Variants in TPCN1 observed in about 807,000 individuals in gnomAD.
TPCN1 encodes the protein two pore channel protein 1.
Under a neutral mutation model 108.8 loss-of-function variants are expected in TPCN1, and 52 were observed. That is an observed-to-expected ratio of 0.48 (90% CI 0.38 to 0.60). TPCN1 has a LOEUF of 0.60. TPCN1 is among the 20% of genes least tolerant of loss of function. The pLI is 0.00. For missense variants in TPCN1, 806 were observed against 1,072.8 expected (o/e 0.75, Z 3.47); for synonymous variants, 446 against 433.7 (o/e 1.03, Z -0.35).
At position 113,226,942 on chromosome 12, in the gene TPCN1, C is replaced by T. The variant is rs1370265704; in HGVS notation, c.90C>T (p.Gly30=). 1 of 1,613,638 alleles carries T rather than the reference C, an allele frequency of 6.2e-7. No homozygotes were observed. The highest frequency in any genetic ancestry group is 8.5e-7 in the Non-Finnish European group (1 of 1,179,876). Residue 30 remains glycine (G), a synonymous_variant, in exon 2 of 28, where the codon GGC becomes GGT. Transcript: ENST00000335509. ...SAPLAPSNGL[G]QEELPSKNGG... is the part of the protein sequence containing the mutation. Reference sequence around the variant, plus strand: ...CACTGGCTCCCTCCAACGGCCTGGGCCAAGAAGAGCTACCTAGCAAAAGTA... The same window carrying T: ...CACTGGCTCCCTCCAACGGCCTGGGTCAAGAAGAGCTACCTAGCAAAAGTA...
At position 113,234,564 on chromosome 12, in the gene TPCN1, C is replaced by T. The variant is rs114212652; in HGVS notation, c.112+7600C>T. ...TTGGTGCTTGTGTTGCCTTTTGTACCGGGTACCCTTTACGCCTTGTTTGCT... is the reference window on the plus strand; with the variant it reads ...TTGGTGCTTGTGTTGCCTTTTGTACTGGGTACCCTTTACGCCTTGTTTGCT... On this transcript the variant is annotated intron_variant, in intron 2 of 27. Coordinates refer to ENST00000335509, the MANE Select transcript of TPCN1 (RefSeq NM_017901.6). 5.2e-3 allele frequency among the ~76,000 whole-genome samples: 795 copies of T among 152,296 alleles called. 11 individuals carry two copies. Among genetic ancestry groups the T allele is most frequent in the African/African-American group, 0.018 (752 of 41,560 alleles).
In TPCN1 at chr12:113,285,977, GT is replaced by G. The variant is rs1177986591; in HGVS notation, c.1526+19del. ...GATGGAACTTGTGAGTGGACAGCAT[GT>G]TTCTGACCCAAAGCTGAGACTCTTG... On this transcript the variant is annotated intron_variant, in intron 18 of 27. Coordinates refer to ENST00000335509, the MANE Select transcript of TPCN1 (RefSeq NM_017901.6). 2 of 1,610,860 alleles carry G rather than the reference GT, an allele frequency of 1.2e-6. No homozygotes were observed. The highest frequency in any genetic ancestry group is 1.3e-5 in the African/African-American group (1 of 74,852).
chr12:113,287,762 C>T (rs758119200), intron 19 of TPCN1, among the ~76,000 whole-genome samples: 9 of 152,118 alleles, frequency 5.9e-5, no homozygotes, highest in East Asian at 1.9e-4. Context: ...CCTGAGTGTC[C>T]GCCTCCGTCC....
intron 18 of TPCN1, 48 bp downstream of exon 18, chr12:113,286,009 G>A: frequency 6.6e-7 from 1 of 1,524,562 alleles, no homozygotes; most frequent in Non-Finnish European, 9.1e-7. Flanking sequence ...TCTTGAGGAT[G>A]GCCCCAGACC....
chr12:113,230,369 A>G (rs1349181962), intron 2 of TPCN1, among the ~76,000 whole-genome samples: 1 of 146,286 alleles, frequency 6.8e-6, no homozygotes, highest in Non-Finnish European at 1.5e-5. Flanking sequence ...GTTCACTGCA[A>G]CCTCCACCTC....
chr12:113,284,845 C>T lies in TPCN1; in HGVS notation c.1453+74C>T, dbSNP rs1956013359. The T allele has an allele frequency of 6.7e-7, 1 of 1,485,748 alleles. No individual in the cohort carries two copies. Among genetic ancestry groups the T allele is most frequent in the African/African-American group, 1.4e-5 (1 of 72,012 alleles). The allele number at this position is 1,485,748 out of a possible 1,614,324, so 92.0% of individuals were successfully genotyped here. On this transcript the variant is annotated intron_variant, in intron 17 of 27. Transcript: ENST00000335509. The surrounding 1 kb of genome is among the most constrained non-coding windows in gnomAD (Gnocchi z 4.1). Reference sequence around the variant, plus strand: ...GGGAGAACTTTCATTCAGTGTAGAACCTCATGGTTCTTCTCTAAAACAGGA... The same window carrying T: ...GGGAGAACTTTCATTCAGTGTAGAATCTCATGGTTCTTCTCTAAAACAGGA...
rs772890901 is a variant in TPCN1 at position 113,288,848 on chromosome 12, G to A, written c.1796+1G>A. 1 of 1,613,514 alleles carries A rather than the reference G, an allele frequency of 6.2e-7. No individual in the cohort carries two copies. On this transcript the variant is annotated splice_donor_variant, in intron 21 of 27. Transcript: ENST00000335509. LOFTEE classifies it high-confidence loss of function. The surrounding 1 kb of genome is among the most constrained non-coding windows in gnomAD (Gnocchi z 4.8). Reference sequence around the variant, plus strand: ...GGATCGTCTTCCCCAACTGCTGCAAGTGAGTAGGCCCCACCCAGCCCCAGG... The same window carrying A: ...GGATCGTCTTCCCCAACTGCTGCAAATGAGTAGGCCCCACCCAGCCCCAGG...
In TPCN1 at chr12:113,288,568, G is replaced by C. The variant is rs1032408617; in HGVS notation, c.1707-190G>C. 1 of 1,469,058 alleles carries C rather than the reference G, an allele frequency of 6.8e-7. No homozygotes were observed. The highest frequency in any genetic ancestry group is 1.4e-5 in the African/African-American group (1 of 71,176). 91.0% of individuals were successfully genotyped at this position (1,469,058 alleles called of 1,614,324 possible). A position where few individuals can be genotyped will look rare whatever the true frequency, so the allele number is the denominator to read the frequency against. ...TGGGAAAGGGGCATTTGTTCATAGC[G>C]TCCTGACTTGAGCTGTTTTTCACCC... is the stretch of plus-strand genomic sequence containing the variant. On this transcript the variant is annotated intron_variant, in intron 20 of 27. Transcript: ENST00000335509. The surrounding 1 kb of genome is among the most constrained non-coding windows in gnomAD (Gnocchi z 4.8).
At chr12:113,240,441 C>G (rs1284500617) in intron 2 of TPCN1, among the ~76,000 whole-genome samples, 3 of 152,160 alleles carry the variant, frequency 2.0e-5, no homozygotes, top group Admixed American at 6.5e-5. Flanking sequence ...AGCTGAACAT[C>G]CTTGAATGAG....
In TPCN1 at chr12:113,260,327, A is replaced by T. The variant is rs374379659; in HGVS notation, c.113-41A>T. 5.4e-6 allele frequency: 8 copies of T among 1,468,596 alleles called. No homozygotes were observed. In the African/African-American group the frequency reaches 1.0e-4, roughly 19 times the overall value. The allele number at this position is 1,468,596 out of a possible 1,614,324, so 91.0% of individuals were successfully genotyped here. ...GCCAAACGGTGTCTTTTTGCTCTTAAGCCTGGGTGCCAAGTGAATCTCTCT... is the reference window on the plus strand; with the variant it reads ...GCCAAACGGTGTCTTTTTGCTCTTATGCCTGGGTGCCAAGTGAATCTCTCT... On this transcript the variant is annotated intron_variant, in intron 2 of 27. Transcript: ENST00000335509.
Position 113,289,624 on chromosome 12 carries a change from TATTAAC to T in TPCN1, c.1797-502_1797-497del, listed in dbSNP as rs1270897132. Among the ~76,000 whole-genome samples the T allele has an allele frequency of 1.3e-5, 2 of 152,154 alleles. No individual in the cohort carries two copies. Among genetic ancestry groups the T allele is most frequent in the East Asian group, 3.9e-4 (2 of 5,180 alleles). Reference sequence around the variant, plus strand: ...AGACTTTTATAAACATTAGCATGGATATTAACAGAACAGCCATAAAAGATTGGAAGG... The same window carrying T: ...AGACTTTTATAAACATTAGCATGGATAGAACAGCCATAAAAGATTGGAAGG... On this transcript the variant is annotated intron_variant, in intron 21 of 27. Coordinates refer to ENST00000335509, the MANE Select transcript of TPCN1 (RefSeq NM_017901.6). The surrounding 1 kb of genome is among the most constrained non-coding windows in gnomAD (Gnocchi z 4.1).
At position 113,231,551 on chromosome 12, in the gene TPCN1, G is replaced by A. The variant is rs149285200; in HGVS notation, c.112+4587G>A. On this transcript the variant is annotated intron_variant, in intron 2 of 27. Coordinates refer to ENST00000335509, the MANE Select transcript of TPCN1 (RefSeq NM_017901.6). The surrounding 1 kb of genome is among the most constrained non-coding windows in gnomAD (Gnocchi z 4.3). The stretch of plus-strand genomic sequence containing the variant: ...AGCCTATGAATTTGAGGGGGACACA[G>A]TTCAGGCCATCACACTCCTACCCAT... 3.3e-3 allele frequency among the ~76,000 whole-genome samples: 499 copies of A among 152,334 alleles called. 3 individuals carry two copies. The highest frequency in any genetic ancestry group is 0.011 in the African/African-American group (473 of 41,578).
In TPCN1 at chr12:113,288,386, C is replaced by T; in HGVS notation, c.1706+152C>T. On this transcript the variant is annotated intron_variant, in intron 20 of 27. Transcript: ENST00000335509. This position sits in a 1 kb window ranked among gnomAD's most constrained non-coding sequence, Gnocchi z 4.8. Reference sequence around the variant, plus strand: ...GGCTCCAAGGAGCCTGGAATCTTGACCACCACAGGTCTCCTGGGCACCATT... The same window carrying T: ...GGCTCCAAGGAGCCTGGAATCTTGATCACCACAGGTCTCCTGGGCACCATT... The T allele has an allele frequency of 2.0e-6, 3 of 1,499,834 alleles. No individual in the cohort carries two copies. The highest frequency in any genetic ancestry group is 1.3e-5 in the South Asian group (1 of 78,798). The allele number at this position is 1,499,834 out of a possible 1,614,324, so 92.9% of individuals were successfully genotyped here. A position where few individuals can be genotyped will look rare whatever the true frequency, so the allele number is the denominator to read the frequency against.
chr12:113,288,650 CA>C lies in TPCN1; in HGVS notation c.1707-107del. 9.0e-6 allele frequency: 14 copies of C among 1,555,322 alleles called. No homozygotes were observed. The highest frequency in any genetic ancestry group is 1.1e-5 in the Non-Finnish European group (13 of 1,155,062). On this transcript the variant is annotated intron_variant, in intron 20 of 27. Coordinates refer to ENST00000335509, the MANE Select transcript of TPCN1 (RefSeq NM_017901.6). The surrounding 1 kb of genome is among the most constrained non-coding windows in gnomAD (Gnocchi z 4.8). ...GGCACTTTCCAGTTGGTGAACCGAC[CA>C]GGGGCATGGCCCTGCAGTCAGCCCC...
rs145296390 is a variant in TPCN1 at position 113,291,953 on chromosome 12, C to T, written c.2108C>T (p.Ser703Leu). The T allele has an allele frequency of 2.9e-5, 47 of 1,613,898 alleles. No individual in the cohort carries two copies. The East Asian group carries it at 4.2e-4, about 15-fold the overall frequency. Residue 703 changes from serine to leucine, a missense_variant, in exon 25 of 28, where the codon TCG (serine) becomes TTG (leucine). Ser to Leu is a moderately radical substitution (Grantham distance 145). Coordinates refer to ENST00000335509, the MANE Select transcript of TPCN1 (RefSeq NM_017901.6). Reference protein sequence around the residue: ...RMNYSRKNQDSEVDGGITLEK... With the variant: ...RMNYSRKNQDLEVDGGITLEK... ...AACTACAGCCGCAAGAACCAGGACT[C>T]GGAAGGTCTGTGCAGGGATGATGCC...
In TPCN1 at chr12:113,281,405, T is replaced by A. The variant is rs189383844; in HGVS notation, c.1342+1210T>A. 6.5e-4 allele frequency among the ~76,000 whole-genome samples: 99 copies of A among 152,194 alleles called. 1 individual carries two copies. In the East Asian group the frequency reaches 0.015, roughly 23 times the overall value. Reference sequence around the variant, plus strand: ...TCAGACACCAACAAAGAAAAAAAAATAAATATCCAGGTTCCCAACTACACT... The same window carrying A: ...TCAGACACCAACAAAGAAAAAAAAAAAAATATCCAGGTTCCCAACTACACT... On this transcript the variant is annotated intron_variant, in intron 15 of 27. Coordinates refer to ENST00000335509, the MANE Select transcript of TPCN1 (RefSeq NM_017901.6).
intron 15 of TPCN1, among the ~76,000 whole-genome samples, chr12:113,281,098 A>T (rs1339525301): frequency 6.6e-6 from 1 of 151,796 alleles, no homozygotes; most frequent in Admixed American, 6.6e-5. Flanking sequence ...CGCCCAGGCT[A>T]GCGTAATCTG....
At position 113,227,022 on chromosome 12, in the gene TPCN1, G is replaced by A. The variant is rs762594296; in HGVS notation, c.112+58G>A. The A allele has an allele frequency of 1.6e-5, 24 of 1,458,700 alleles. No individual in the cohort carries two copies. In the Admixed American group the frequency reaches 4.2e-4, roughly 26 times the overall value. 90.4% of individuals were successfully genotyped at this position (1,458,700 alleles called of 1,614,324 possible). ...GCTTTTCTGTTTCAGAGGCTGAGAG[G>A]TGATAAGCGCTTTGTGGTCTGATAG... On this transcript the variant is annotated intron_variant, in intron 2 of 27. Coordinates refer to ENST00000335509, the MANE Select transcript of TPCN1 (RefSeq NM_017901.6).
chr12:113,259,267 G>A (rs1371814962), intron 2 of TPCN1, among the ~76,000 whole-genome samples: 1 of 152,164 alleles, frequency 6.6e-6, no homozygotes, highest in Non-Finnish European at 1.5e-5. Context: ...GTGAGCCACC[G>A]TGCTCAGCCC....
Sources: allele counts gnomAD v4.1 joint callset (sites outside exome capture counted in the v4.1 genomes callset), GRCh38; gene constraint gnomAD v4.1.1; non-coding constraint Gnocchi (gnomAD v3.1); transcripts MANE v1.5; gene names NCBI Gene and HGNC (gene_info 2026-07-23, HGNC 2026-07-21).